TRA2B: variants seen among roughly 807,000 people sequenced by gnomAD.
TRA2B encodes transformer-2 protein homolog beta.
A neutral mutation model predicts 41.7 loss-of-function variants in TRA2B; 14 were observed. That is an observed-to-expected ratio of 0.34 (90% CI 0.22 to 0.53). The LOEUF is 0.53. Among genes scored for constraint, TRA2B ranks in the 20% least tolerant of loss-of-function variants. The pLI is 0.95. For missense variants in TRA2B, 167 were observed against 396.8 expected, an observed-to-expected ratio of 0.42 and a Z score of 4.92; for synonymous variants, 130 against 128.8, an observed-to-expected ratio of 1.01 and a Z score of -0.06.
intron 1 of TRA2B, chr3:185,935,077 A>G (rs1046609040): frequency 2.0e-6 from 2 of 985,306 alleles, no homozygotes; most frequent in African/African-American, 3.5e-5. Flanking sequence ...CGCTGTGACC[A>G]TTATTGGGCT....
intron 1 of TRA2B, chr3:185,927,666 G>C (rs1289892682): frequency 6.6e-6 from 1 of 152,172 alleles, no homozygotes; most frequent in African/African-American, 2.4e-5. Context: ...ACTGGGATTG[G>C]CTGGCAGGTT....
rs778904867 is a variant in TRA2B at position 185,937,913 on chromosome 3, C to G, written c.-53G>C. On this transcript the variant is annotated 5_prime_UTR_variant, in exon 1 of 9. Coordinates refer to ENST00000453386, the MANE Select transcript of TRA2B (RefSeq NM_004593.3). ...GTGCTTCAATCGAAGCTGCCAACCT[C>G]TTGCACCTTCCTTAAGGAGGCTCCG... 13 of 1,610,048 alleles carry G rather than the reference C, an allele frequency of 8.1e-6. No homozygotes were observed. The highest frequency in any genetic ancestry group is 1.1e-5 in the Non-Finnish European group (13 of 1,178,236).
rs983735573 is a variant in TRA2B at position 185,915,569 on chromosome 3, A to G, written c.*2146T>C. Among the ~76,000 whole-genome samples the G allele has an allele frequency of 6.6e-6, 1 of 152,160 alleles. No homozygotes were observed. Among genetic ancestry groups the G allele is most frequent in the African/African-American group, 2.4e-5 (1 of 41,416 alleles). ...TCTCACTACTTCTCAGTCTATCTCA[A>G]CTTGGTAAAATTCCAAATTTTCCTC... is the stretch of plus-strand genomic sequence containing the variant. On this transcript the variant is annotated 3_prime_UTR_variant, in exon 9 of 9. Transcript: ENST00000453386.
At chr3:185,935,009 G>A in intron 1 of TRA2B, 3 of 985,398 alleles carry the variant, frequency 3.0e-6, no homozygotes, top group South Asian at 4.7e-5. Flanking sequence ...ACAATATTGA[G>A]AGGCTCAGAA....
Position 185,918,931 on chromosome 3 carries a change from T to C in TRA2B, c.783-493A>G, listed in dbSNP as rs551104673. ...AGAGACTGCAGTGAGCTCAAATTGC[T>C]CCACTGTACTCCAGCCTAGGCAACA... On this transcript the variant is annotated intron_variant, in intron 7 of 8. Coordinates refer to ENST00000453386, the MANE Select transcript of TRA2B (RefSeq NM_004593.3). Among the ~76,000 whole-genome samples the C allele has an allele frequency of 7.9e-5, 12 of 152,086 alleles. No homozygotes were observed. In the South Asian group the frequency reaches 2.5e-3, roughly 32 times the overall value.
Position 185,916,238 on chromosome 3 carries a change from C to A in TRA2B, c.*1477G>T, listed in dbSNP as rs772871679. On this transcript the variant is annotated 3_prime_UTR_variant, in exon 9 of 9. Transcript: ENST00000453386. ...ACCCAGGTACCCAGATTTGAGACAT[C>A]ATGATCAAGAGAACTGTGGACTAAG... 6.6e-6 allele frequency: 1 copy of A among 152,196 alleles called. No individual in the cohort carries two copies. Among genetic ancestry groups the A allele is most frequent in the Non-Finnish European group, 1.5e-5 (1 of 68,032 alleles). The allele number at this position is 152,196 out of a possible 1,614,324, so 9.4% of individuals were successfully genotyped here.
rs1003035104 is a variant in TRA2B, at chr3:185,935,438, G to T, written c.36+2387C>A. ...TATTCACCCAAATGTATTCTATTGA[G>T]TGATCAAACTGAGAATAATTTATCC... On this transcript the variant is annotated intron_variant, in intron 1 of 8. Transcript: ENST00000453386. 1.2e-5 allele frequency: 12 copies of T among 985,240 alleles called. No homozygotes were observed. The African/African-American group carries it at 1.9e-4, about 16-fold the overall frequency. The allele number at this position is 985,240 out of a possible 1,614,324, so 61.0% of individuals were successfully genotyped here.
At chr3:185,932,387 G>C (rs375080065) in intron 1 of TRA2B, among the ~76,000 whole-genome samples, 1 of 152,184 alleles carries the variant, frequency 6.6e-6, no homozygotes, top group Non-Finnish European at 1.5e-5. Context: ...GCAGAAAGAC[G>C]GTGTCAGGGA....
At chr3:185,927,011 G>A in intron 1 of TRA2B, 1 of 360,096 alleles carries the variant, frequency 2.8e-6, no homozygotes, top group Non-Finnish European at 5.3e-6. Context: ...AAGCAGTTAA[G>A]GGAACTGTCC....
intron 4 of TRA2B, 194 bp from the exon 5 acceptor site, chr3:185,922,320 AAAACTTG>A (rs1178371897): frequency 2.3e-4 from 98 of 421,284 alleles, no homozygotes; most frequent in African/African-American, 1.7e-3. Context: ...GCTACTCATA[AAAACTTG>A]AAACAATTAT....
intron 1 of TRA2B, chr3:185,934,799 T>G: frequency 6.1e-6 from 6 of 985,454 alleles, no homozygotes; most frequent in Non-Finnish European, 7.2e-6. Context: ...GATGGGTTGG[T>G]GTCCAGATGC....
intron 4 of TRA2B, chr3:185,922,498 GAAGA>G (rs1743780367): frequency 1.3e-5 from 2 of 156,840 alleles, no homozygotes; most frequent in Admixed American, 1.3e-4. Flanking sequence ...CATGACAAGT[GAAGA>G]AACACACAAA....
At chr3:185,925,018 T>C (rs1172741439) in intron 3 of TRA2B, 1 of 152,964 alleles carries the variant, frequency 6.5e-6, no homozygotes, top group Admixed American at 6.5e-5. Flanking sequence ...TCACAATAAA[T>C]ATCATCTCAT....
At chr3:185,921,503 G>A (rs1346267992) in intron 5 of TRA2B, among the ~76,000 whole-genome samples, 2 of 152,156 alleles carry the variant, frequency 1.3e-5, no homozygotes, top group South Asian at 2.1e-4. Context: ...AGCAACTCAC[G>A]CCTGTAATCC....
chr3:185,935,587 A>G, intron 1 of TRA2B: 1 of 985,436 alleles, frequency 1.0e-6, no homozygotes, highest in Non-Finnish European at 1.2e-6. Context: ...AATTCCACTG[A>G]TTTGAAGAGA....
chr3:185,930,059 A>AG (rs1402332709), intron 1 of TRA2B, among the ~76,000 whole-genome samples: 1 of 152,156 alleles, frequency 6.6e-6, no homozygotes, highest in African/African-American at 2.4e-5. Context: ...GCTTTGGTCA[A>AG]GGGGGAAAAC....
chr3:185,922,221 G>C (rs954942740), intron 4 of TRA2B, 95 bp from the exon 5 acceptor site: 20 of 762,488 alleles, frequency 2.6e-5, no homozygotes, highest in Non-Finnish European at 4.0e-5. Context: ...TTTCAGTTAG[G>C]TGCATTAAGT....
intron 2 of TRA2B, among the ~76,000 whole-genome samples, chr3:185,926,158 C>T (rs1200442588): frequency 6.6e-6 from 1 of 150,812 alleles, no homozygotes; most frequent in African/African-American, 2.4e-5. Flanking sequence ...CCCAGGCAAA[C>T]CAGGATGTAT....
intron 1 of TRA2B, among the ~76,000 whole-genome samples, chr3:185,929,513 T>C (rs1436543060): frequency 6.6e-6 from 1 of 152,012 alleles, no homozygotes; most frequent in East Asian, 1.9e-4. Flanking sequence ...AACCAAAATT[T>C]CCCTGAAAAA....
Sources: allele counts gnomAD v4.1 joint callset (sites outside exome capture counted in the v4.1 genomes callset), GRCh38; gene constraint gnomAD v4.1.1; transcripts MANE v1.5; gene names NCBI Gene and HGNC (gene_info 2026-07-23, HGNC 2026-07-21).